FBXL2: variants seen among roughly 807,000 people sequenced by gnomAD.
FBXL2 encodes the protein F-box and leucine rich repeat protein 2, also known as F-box/LRR-repeat protein 2.
In FBXL2, 38 loss-of-function variants were observed where a neutral mutation model predicts 69.2. The observed-to-expected ratio is 0.55, with a 90% CI of 0.42 to 0.72. The LOEUF is 0.72. Among genes scored for constraint, FBXL2 ranks in the 30% least tolerant of loss-of-function variants. The pLI is 0.00. For missense variants in FBXL2, 354 were observed against 520.3 expected, an observed-to-expected ratio of 0.68 and a Z score of 3.11; for synonymous variants, 192 against 201.3, an observed-to-expected ratio of 0.95 and a Z score of 0.39.
chr3:33,377,259 C>T lies in FBXL2; in HGVS notation c.789-14C>T, dbSNP rs773769195. The stretch of plus-strand genomic sequence containing the variant: ...TTGGTACCGTTTTCTCCCCTGTACC[C>T]ACTTTCTCCTCAGAATTTTGGAGGC... On this transcript the variant is annotated splice_polypyrimidine_tract_variant and intron_variant, in intron 10 of 14. Coordinates refer to ENST00000484457, the MANE Select transcript of FBXL2 (RefSeq NM_012157.5). The T allele has an allele frequency of 1.2e-6, 2 of 1,613,508 alleles. No homozygotes were observed. Among genetic ancestry groups the T allele is most frequent in the Non-Finnish European group, 1.7e-6 (2 of 1,179,508 alleles).
downstream of FBXL2, among the ~76,000 whole-genome samples, chr3:33,407,001 A>G (rs2044444988): frequency 6.6e-6 from 1 of 152,216 alleles, no homozygotes; most frequent in Non-Finnish European, 1.5e-5. Flanking sequence ...CTGAAAGCCA[A>G]TTGTAACTAG....
intron 1 of FBXL2, among the ~76,000 whole-genome samples, chr3:33,291,187 C>G (rs2035187200): frequency 6.6e-6 from 1 of 152,120 alleles, no homozygotes; most frequent in Admixed American, 6.5e-5. Context: ...GACTTACCTC[C>G]CAAAGTATTG....
intron 12 of FBXL2, chr3:33,396,864 A>C: frequency 1.4e-6 from 1 of 696,902 alleles, no homozygotes; most frequent in East Asian, 2.8e-5. Context: ...TGCCTGCATC[A>C]TATCTGGGCC....
chr3:33,421,532 A>T, the FBXL2 span, among the ~76,000 whole-genome samples: 1 of 152,132 alleles, frequency 6.6e-6, no homozygotes, highest in Non-Finnish European at 1.5e-5. Context: ...AGCCTCCCAA[A>T]GTGCTGGGAT....
chr3:33,403,015 T>G lies in FBXL2; in HGVS notation n.1215-219T>G, dbSNP rs571052871. The G allele has an allele frequency of 6.1e-6, 6 of 986,602 alleles. No individual in the cohort carries two copies. The East Asian group carries it at 1.6e-4, about 27-fold the overall frequency. The allele number at this position is 986,602 out of a possible 1,614,324, so 61.1% of individuals were successfully genotyped here. A position where few individuals can be genotyped will look rare whatever the true frequency, so the allele number is the denominator to read the frequency against. On this transcript the variant is annotated intron_variant and non_coding_transcript_variant, in intron 12 of 12. Transcript: ENST00000463736. ...GCAAGATTATAAAATGCGAGACAGC[T>G]GACATTTATCAAGCAACCTCACAGA...
Position 33,379,632 on chromosome 3 carries a change from T to A in FBXL2, c.951+891T>A, listed in dbSNP as rs1575407838. Among the ~76,000 whole-genome samples, 3 of 151,826 alleles carry A rather than the reference T, an allele frequency of 2.0e-5. No individual in the cohort carries two copies. The South Asian group carries it at 6.2e-4, about 32-fold the overall frequency. ...GGCCTCCCAAAACAACTTTTTTTTT[T>A]TAATGAGGCCAGTAATACCCTGTTA... On this transcript the variant is annotated intron_variant, in intron 13 of 14. Transcript: ENST00000484457.
chr3:33,293,614 G>A (rs1002935756), intron 1 of FBXL2, among the ~76,000 whole-genome samples: 6 of 151,756 alleles, frequency 4.0e-5, no homozygotes, highest in Non-Finnish European at 4.4e-5. Flanking sequence ...AGACATTCTA[G>A]TATGGCCTAT....
At chr3:33,358,628 A>G (rs1174897760) in intron 2 of FBXL2, among the ~76,000 whole-genome samples, 1 of 152,232 alleles carries the variant, frequency 6.6e-6, no homozygotes, top group African/African-American at 2.4e-5. Flanking sequence ...GAGCCTGTTC[A>G]GTGCATCTAC....
At chr3:33,414,549 T>C in the FBXL2 span, among the ~76,000 whole-genome samples, 67 of 152,284 alleles carry the variant, frequency 4.4e-4, 2 homozygotes, top group South Asian at 0.013. Context: ...ATCCCCAAGG[T>C]TCCCCCACAA....
intron 1 of FBXL2, among the ~76,000 whole-genome samples, chr3:33,282,339 C>T (rs2034108693): frequency 6.6e-6 from 1 of 152,070 alleles, no homozygotes; most frequent in Admixed American, 6.5e-5. Context: ...TCAGGTTTGT[C>T]AAAGATCAGA....
At chr3:33,348,586 G>A (rs2040615657) in intron 2 of FBXL2, among the ~76,000 whole-genome samples, 1 of 152,092 alleles carries the variant, frequency 6.6e-6, no homozygotes, top group African/African-American at 2.4e-5. Flanking sequence ...CATTAAGTCT[G>A]TCATTTGCTT....
chr3:33,346,180 C>G (rs1227966918), intron 2 of FBXL2, among the ~76,000 whole-genome samples: 1 of 152,020 alleles, frequency 6.6e-6, no homozygotes, highest in Non-Finnish European at 1.5e-5. Flanking sequence ...AAGCTGAGAT[C>G]GTGCCATTGC....
chr3:33,355,953 C>T (rs1167455106), intron 2 of FBXL2, among the ~76,000 whole-genome samples: 2 of 152,092 alleles, frequency 1.3e-5, no homozygotes, highest in Non-Finnish European at 2.9e-5. Context: ...CCTATTTGTG[C>T]AAATTCAACT....
intron 4 of FBXL2, among the ~76,000 whole-genome samples, chr3:33,364,105 CT>C (rs1304806361): frequency 6.6e-6 from 1 of 152,134 alleles, no homozygotes; most frequent in Non-Finnish European, 1.5e-5. Flanking sequence ...ACAAAAGTTC[CT>C]TTTTCAAAGC....
intron 2 of FBXL2, chr3:33,317,652 T>C: frequency 2.7e-6 from 1 of 371,036 alleles, no homozygotes; most frequent in Non-Finnish European, 5.4e-6. Context: ...CCCTATTTTG[T>C]TTACTGGAGG....
chr3:33,354,068 T>C (rs2041020023), intron 2 of FBXL2, among the ~76,000 whole-genome samples: 1 of 152,222 alleles, frequency 6.6e-6, no homozygotes, highest in Admixed American at 6.5e-5. Flanking sequence ...TTGTAAACTA[T>C]AGACCTTAGT....
chr3:33,377,346 T>A lies in FBXL2; in HGVS notation c.849+13T>A. On this transcript the variant is annotated intron_variant, in intron 11 of 14. Coordinates refer to ENST00000484457, the MANE Select transcript of FBXL2 (RefSeq NM_012157.5). ...ACTTTTAGCTCGGGTAAGGCATAGA[T>A]TTAAAGAATACAACCAAACTCTAAT... 1.2e-6 allele frequency: 2 copies of A among 1,613,656 alleles called. No individual in the cohort carries two copies. Among genetic ancestry groups the A allele is most frequent in the Non-Finnish European group, 1.7e-6 (2 of 1,179,586 alleles).
chr3:33,293,477 T>G (rs1310847931), intron 1 of FBXL2, among the ~76,000 whole-genome samples: 1 of 152,184 alleles, frequency 6.6e-6, no homozygotes, highest in Non-Finnish European at 1.5e-5. Flanking sequence ...TTTGGGAAAT[T>G]AGATTTGATC....
the FBXL2 span, among the ~76,000 whole-genome samples, chr3:33,422,557 C>T: frequency 7.2e-5 from 11 of 151,944 alleles, 1 homozygote; most frequent in South Asian, 1.2e-3. Context: ...GCCATCTCTA[C>T]GAAAATTTTT....
Sources: gnomAD v4.1 joint callset for allele counts (sites outside exome capture counted in the v4.1 genomes callset) on GRCh38, gnomAD v4.1.1 for gene constraint, MANE v1.5 for transcripts, NCBI Gene and HGNC (gene_info 2026-07-23, HGNC 2026-07-21) for gene names.